Variants in CD300A observed in about 807,000 individuals in gnomAD.
CD300A encodes the protein CMRF35-like molecule 8.
In CD300A, 22 loss-of-function variants were observed where a neutral mutation model predicts 33.6. That is an observed-to-expected ratio of 0.66 (90% CI 0.47 to 0.94). CD300A has a LOEUF of 0.94. Ranked by LOEUF, CD300A falls within the 40% of genes least tolerant of loss-of-function variation. The probability of loss-of-function intolerance (pLI) is 0.00; values close to 1 mark genes in which losing one functional copy is unlikely to be tolerated. For missense variants in CD300A, 326 were observed against 360.5 expected, an observed-to-expected ratio of 0.90 and a Z score of 0.77; for synonymous variants, 136 against 148.1, an observed-to-expected ratio of 0.92 and a Z score of 0.59.
intron 1 of CD300A, chr17:74,469,827 A>G (rs549767227): frequency 2.2e-6 from 1 of 463,740 alleles, no homozygotes; most frequent in African/African-American, 2.1e-5. Context: ...CTCTGTCTCA[A>G]AAAAATGAAA....
At chr17:74,471,707 G>A (rs1427895857) in intron 1 of CD300A, among the ~76,000 whole-genome samples, 2 of 152,302 alleles carry the variant, frequency 1.3e-5, no homozygotes, top group African/African-American at 4.8e-5. Flanking sequence ...TCTGCAGGGG[G>A]ATGTGTACAT....
At chr17:74,470,308 C>T in intron 1 of CD300A, 1 of 887,064 alleles carries the variant, frequency 1.1e-6, no homozygotes, top group Non-Finnish European at 1.4e-6. Flanking sequence ...ATGACACCCT[C>T]ACAGGTGGAA....
chr17:74,484,188 C>A lies in CD300A; in HGVS notation c.*62C>A. On this transcript the variant is annotated 3_prime_UTR_variant, in exon 7 of 7. Transcript: ENST00000360141. ...CCCCAGGAAGTCCAGGGACAGCTCC[C>A]TTATACCTGGCCCACGTCCTTCTCA... The A allele has an allele frequency of 1.3e-6, 2 of 1,577,118 alleles. No individual in the cohort carries two copies. The highest frequency in any genetic ancestry group is 1.1e-5 in the South Asian group (1 of 89,072).
chr17:74,473,728 G>A lies in CD300A; in HGVS notation c.233G>A (p.Arg78Lys). 6.2e-7 allele frequency: 1 copy of A among 1,614,218 alleles called. No individual in the cohort carries two copies. The highest frequency in any genetic ancestry group is 8.5e-7 in the Non-Finnish European group (1 of 1,180,044). The change falls in exon 2 of 7, where the codon AGG becomes AAG. Residue 78 changes from arginine to lysine, a missense_variant. Coordinates refer to ENST00000360141, the MANE Select transcript of CD300A (RefSeq NM_007261.4). ...AAAAGGAACGGCCGAGTGTCCATCA[G>A]GGACAGTCCTGCAAACCTCAGCTTC... ...AGKRNGRVSI[R>K]DSPANLSFTV...
intron 1 of CD300A, among the ~76,000 whole-genome samples, chr17:74,473,010 G>A (rs1316107256): frequency 6.6e-6 from 1 of 152,066 alleles, no homozygotes; most frequent in Non-Finnish European, 1.5e-5. Context: ...TTGCAGGGTT[G>A]CCCAGGGCTG....
Position 74,473,865 on chromosome 17 carries a change from G to A in CD300A, c.370G>A (p.Val124Met), listed in dbSNP as rs145991696. Reference sequence around the variant, plus strand: ...TCCCGTTGTCGAGGTTGAGGTGTCCGTGTTCCCGGGTGAGCCCCTCCTTCC... The same window carrying A: ...TCCCGTTGTCGAGGTTGAGGTGTCCATGTTCCCGGGTGAGCCCCTCCTTCC... ...HDPVVEVEVS[V>M]FPASTSMTPA... The change falls in exon 2 of 7, where the codon GTG becomes ATG. Residue 124 changes from valine to methionine, a missense_variant. Transcript: ENST00000360141. The A allele has an allele frequency of 8.8e-5, 141 of 1,608,414 alleles. No individual in the cohort carries two copies. Among genetic ancestry groups the A allele is most frequent in the African/African-American group, 1.1e-4 (8 of 74,832 alleles).
chr17:74,482,073 C>T (rs543031859), intron 6 of CD300A, among the ~76,000 whole-genome samples: 16 of 152,148 alleles, frequency 1.1e-4, no homozygotes, highest in African/African-American at 3.6e-4. Flanking sequence ...TCTGACAGTC[C>T]GTGAAGTCCA....
chr17:74,473,446 C>T, intron 1 of CD300A, 90 bp from the exon 2 acceptor site: 3 of 1,266,700 alleles, frequency 2.4e-6, no homozygotes, highest in South Asian at 1.4e-5. Flanking sequence ...GCCTCCTCCA[C>T]ACCCCCAGGG....
chr17:74,476,272 C>G (rs1906455592), intron 3 of CD300A, among the ~76,000 whole-genome samples: 1 of 152,192 alleles, frequency 6.6e-6, no homozygotes, highest in African/African-American at 2.4e-5. Context: ...ACAACAAAGA[C>G]ACTCCTAATT....
intron 1 of CD300A, 85 bp downstream of exon 1, chr17:74,466,828 G>A: frequency 6.5e-7 from 1 of 1,548,194 alleles, no homozygotes; most frequent in Non-Finnish European, 8.7e-7. Context: ...CACACGAGAC[G>A]CCCCGAGTCT....
intron 5 of CD300A, 105 bp downstream of exon 5, chr17:74,481,431 G>T: frequency 9.6e-7 from 1 of 1,046,644 alleles, no homozygotes; most frequent in East Asian, 2.4e-5. Flanking sequence ...GGATGGAGCG[G>T]GGAGCTCACC....
Position 74,484,216 on chromosome 17 carries a change from C to T in CD300A, c.*90C>T, listed in dbSNP as rs1302856495. ...ATACCTGGCCCACGTCCTTCTCAGC[C>T]TGCCCTCGACAACAGTGACCAACAG... On this transcript the variant is annotated 3_prime_UTR_variant, in exon 7 of 7. Transcript: ENST00000360141. 1.4e-6 allele frequency: 2 copies of T among 1,410,802 alleles called. No individual in the cohort carries two copies. The highest frequency in any genetic ancestry group is 1.4e-5 in the African/African-American group (1 of 70,042). 87.4% of individuals were successfully genotyped at this position (1,410,802 alleles called of 1,614,324 possible).
At chr17:74,475,632 T>C (rs1224389484) in intron 3 of CD300A, among the ~76,000 whole-genome samples, 1 of 152,184 alleles carries the variant, frequency 6.6e-6, no homozygotes, top group Non-Finnish European at 1.5e-5. Context: ...ACGGACTCCC[T>C]ATTCTAGCAC....
intron 6 of CD300A, among the ~76,000 whole-genome samples, chr17:74,482,531 G>C (rs984464199): frequency 6.6e-6 from 1 of 151,362 alleles, no homozygotes; most frequent in Non-Finnish European, 1.5e-5. Flanking sequence ...CCAGGCCGCC[G>C]TTTTGCACCT....
chr17:74,481,204 A>G (rs2144537513), intron 4 of CD300A, 85 bp from the exon 5 acceptor site: 2 of 1,310,894 alleles, frequency 1.5e-6, no homozygotes, highest in African/African-American at 2.9e-5. Context: ...CTCTAGGGAA[A>G]GGCCTTTTCC....
At chr17:74,470,005 G>A in intron 1 of CD300A, 1 of 985,336 alleles carries the variant, frequency 1.0e-6, no homozygotes, top group South Asian at 4.7e-5. Flanking sequence ...TTCCTCTTCT[G>A]ACCTCTTGAG....
At chr17:74,470,795 C>T (rs938268098) in intron 1 of CD300A, among the ~76,000 whole-genome samples, 15 of 149,334 alleles carry the variant, frequency 1.0e-4, no homozygotes, top group African/African-American at 3.5e-4. Flanking sequence ...AATACAGGCA[C>T]GTGCCACCAT....
At chr17:74,466,937 CT>C in intron 1 of CD300A, 194 bp downstream of exon 1, 1 of 1,442,834 alleles carries the variant, frequency 6.9e-7, no homozygotes, top group East Asian at 2.5e-5. Context: ...GCCAGGGCCT[CT>C]CCCGGCTCTG....
intron 6 of CD300A, 25 bp downstream of exon 6, chr17:74,481,858 G>A: frequency 6.4e-7 from 1 of 1,563,550 alleles, no homozygotes; most frequent in South Asian, 1.1e-5. Context: ...CCGGCTTTTG[G>A]GCATGCGGCC....
Sources: gnomAD v4.1 joint callset for allele counts (sites outside exome capture counted in the v4.1 genomes callset) on GRCh38, gnomAD v4.1.1 for gene constraint, MANE v1.5 for transcripts, NCBI Gene and HGNC (gene_info 2026-07-23, HGNC 2026-07-21) for gene names.